GALNT14: variants seen among roughly 807,000 people sequenced by gnomAD.
GALNT14 encodes the protein polypeptide N-acetylgalactosaminyltransferase 14.
GALNT14 carries 60 observed loss-of-function variants against 77.5 expected under a neutral mutation model. The observed-to-expected ratio is 0.77, with a 90% CI of 0.63 to 0.96. The LOEUF is 0.96. Among genes scored for constraint, GALNT14 ranks in the 40% least tolerant of loss-of-function variants. GALNT14 has a pLI of 0.00. For missense variants in GALNT14, 710 were observed against 731.0 expected (o/e 0.97, Z 0.33); for synonymous variants, 280 against 281.7 (o/e 0.99, Z 0.06).
At chr2:31,032,526 T>A (rs1169883762) in intron 1 of GALNT14, among the ~76,000 whole-genome samples, 3 of 152,116 alleles carry the variant, frequency 2.0e-5, no homozygotes, top group Non-Finnish European at 4.4e-5. Flanking sequence ...ACTTTACTGG[T>A]GTTTTCTGAG....
intron 1 of GALNT14, chr2:31,114,945 A>C: frequency 1.6e-6 from 1 of 634,752 alleles, no homozygotes; most frequent in South Asian, 2.0e-5. Flanking sequence ...GGAATCCAGA[A>C]GACAATGGAA....
At chr2:31,031,048 T>C (rs1179460282) in intron 1 of GALNT14, among the ~76,000 whole-genome samples, 2 of 152,148 alleles carry the variant, frequency 1.3e-5, no homozygotes, top group Non-Finnish European at 2.9e-5. Flanking sequence ...CAAGCTCCAA[T>C]TGTACAATTC....
At chr2:30,924,057 G>C (rs1014406017) in intron 13 of GALNT14, 62 bp downstream of exon 13, 1 of 1,573,228 alleles carries the variant, frequency 6.4e-7, no homozygotes, top group Admixed American at 1.7e-5. Context: ...TGGAGGCAGA[G>C]TCATCTGGCT....
intron 4 of GALNT14, 128 bp downstream of exon 4, chr2:30,958,269 C>A (rs1271081580): frequency 8.1e-6 from 6 of 736,608 alleles, no homozygotes; most frequent in Non-Finnish European, 1.4e-5. Flanking sequence ...CGCTCAAAGA[C>A]TTCCGTACCT....
intron 2 of GALNT14, among the ~76,000 whole-genome samples, chr2:30,976,640 T>TGTGTGTGC: frequency 6.6e-6 from 1 of 151,762 alleles, no homozygotes; most frequent in East Asian, 1.9e-4. Flanking sequence ...TGTGTGTGTG[T>TGTGTGTGC]GCAAAAAAGA....
rs957598002 is a variant in GALNT14 at position 30,912,109 on chromosome 2, A to G, written c.1500+114T>C. 12 of 1,370,778 alleles carry G rather than the reference A, an allele frequency of 8.8e-6. No individual in the cohort carries two copies. In the African/African-American group the frequency reaches 1.7e-4, roughly 20 times the overall value. 84.9% of individuals were successfully genotyped at this position (1,370,778 alleles called of 1,614,324 possible). ...TTCCCTCCCTCTCCTGACCTCTCTT[A>G]TCAACTCTTCCTCTTCTAACAATTT... is the stretch of plus-strand genomic sequence containing the variant. On this transcript the variant is annotated intron_variant, in intron 14 of 14. Transcript: ENST00000349752.
At chr2:31,114,415 C>T (rs1329837058) in intron 1 of GALNT14, among the ~76,000 whole-genome samples, 4 of 152,154 alleles carry the variant, frequency 2.6e-5, no homozygotes, top group Non-Finnish European at 5.9e-5. Flanking sequence ...AATAATAGCA[C>T]TTAACGGTAT....
intron 1 of GALNT14, among the ~76,000 whole-genome samples, chr2:31,024,256 C>T (rs1004340133): frequency 4.6e-5 from 7 of 152,146 alleles, no homozygotes; most frequent in African/African-American, 1.7e-4. Flanking sequence ...CTTCCCCTTT[C>T]CCCTTAGAGA....
intron 1 of GALNT14, among the ~76,000 whole-genome samples, chr2:31,076,575 G>A (rs1675801964): frequency 1.3e-5 from 2 of 150,734 alleles, no homozygotes; most frequent in Admixed American, 1.3e-4. Flanking sequence ...AATTCCTATT[G>A]CAAACGCAAA....
the GALNT14 span, among the ~76,000 whole-genome samples, chr2:30,893,380 GA>G: frequency 6.6e-6 from 1 of 151,950 alleles, no homozygotes; most frequent in Non-Finnish European, 1.5e-5. Context: ...CTAGGGAAGC[GA>G]AAAAAATACT....
At chr2:31,104,014 G>A (rs148351307) in intron 1 of GALNT14, among the ~76,000 whole-genome samples, 11 of 152,184 alleles carry the variant, frequency 7.2e-5, no homozygotes, top group Admixed American at 5.2e-4. Context: ...GATATAAATC[G>A]TTGGCTCACA....
At chr2:31,066,164 G>A (rs1674942992) in intron 1 of GALNT14, among the ~76,000 whole-genome samples, 1 of 152,188 alleles carries the variant, frequency 6.6e-6, no homozygotes, top group Non-Finnish European at 1.5e-5. Context: ...TCCATCCCAT[G>A]GAGGTTACAT....
chr2:31,037,023 T>A (rs1243407749), intron 1 of GALNT14, among the ~76,000 whole-genome samples: 1 of 152,226 alleles, frequency 6.6e-6, no homozygotes, highest in Non-Finnish European at 1.5e-5. Context: ...TGTAGATAAA[T>A]GTTTTTCATA....
chr2:30,921,356 ACAGGGATGTGTGT>A (rs1206495365), intron 13 of GALNT14, among the ~76,000 whole-genome samples: 1 of 152,242 alleles, frequency 6.6e-6, no homozygotes, highest in African/African-American at 2.4e-5. Flanking sequence ...GATTCAGAAG[ACAGGGATGTGTGT>A]CCCCTACTCA....
intron 1 of GALNT14, among the ~76,000 whole-genome samples, chr2:31,073,448 T>A (rs1326502657): frequency 1.3e-5 from 2 of 150,088 alleles, no homozygotes; most frequent in African/African-American, 2.5e-5. Context: ...CGATAAATAA[T>A]CTCTACTATG....
intron 13 of GALNT14, among the ~76,000 whole-genome samples, chr2:30,919,916 C>T (rs1177166303): frequency 3.3e-5 from 5 of 152,194 alleles, no homozygotes; most frequent in African/African-American, 4.8e-5. Flanking sequence ...TACTCTCTGG[C>T]ATGGTCCTCC....
At chr2:30,935,353 C>T (rs1665989353) in intron 9 of GALNT14, among the ~76,000 whole-genome samples, 1 of 152,224 alleles carries the variant, frequency 6.6e-6, no homozygotes, top group African/African-American at 2.4e-5. Context: ...AAGGCACTCA[C>T]AAACTAACAA....
At chr2:31,014,093 G>T (rs911669816) in intron 1 of GALNT14, among the ~76,000 whole-genome samples, 2 of 152,202 alleles carry the variant, frequency 1.3e-5, no homozygotes, top group Non-Finnish European at 2.9e-5. Context: ...TAACCTGTTT[G>T]AACCTCAGTT....
intron 1 of GALNT14, 126 bp downstream of exon 1, chr2:31,137,832 G>T: frequency 8.2e-7 from 1 of 1,223,980 alleles, no homozygotes; most frequent in Non-Finnish European, 1.1e-6. Context: ...ACATCCGGCG[G>T]CTGTTACCTG....
Sources: allele counts gnomAD v4.1 joint callset (sites outside exome capture counted in the v4.1 genomes callset), GRCh38; gene constraint gnomAD v4.1.1; transcripts MANE v1.5; gene names NCBI Gene and HGNC (gene_info 2026-07-23, HGNC 2026-07-21).